The following SNCAIP variants were observed in gnomAD, a reference collection of about 807,000 sequenced individuals.
SNCAIP encodes synphilin-1.
SNCAIP carries 43 observed loss-of-function variants against 86.7 expected under a neutral mutation model. That is an observed-to-expected ratio of 0.50 (90% CI 0.39 to 0.64). The LOEUF (loss-of-function observed/expected upper bound fraction) is 0.64, where lower values mean the gene tolerates loss of function less well. SNCAIP is among the 30% of genes least tolerant of loss of function. SNCAIP has a pLI of 0.00. For missense variants in SNCAIP, 981 were observed against 1,103.1 expected (o/e 0.89, Z 1.57); for synonymous variants, 417 against 427.2 (o/e 0.98, Z 0.29).
intron 1 of SNCAIP, among the ~76,000 whole-genome samples, chr5:122,354,143 A>G (rs925536105): frequency 6.6e-6 from 1 of 152,094 alleles, no homozygotes; most frequent in Non-Finnish European, 1.5e-5. Context: ...CAGCTGACAC[A>G]TTTACGTGAC....
intron 1 of SNCAIP, among the ~76,000 whole-genome samples, chr5:122,357,284 G>A (rs539426224): frequency 6.6e-6 from 1 of 152,100 alleles, no homozygotes; most frequent in Non-Finnish European, 1.5e-5. Context: ...TTCCCAGGCT[G>A]GAGTGCAGTG....
At chr5:122,330,537 A>G (rs1034511721) in intron 1 of SNCAIP, among the ~76,000 whole-genome samples, 10 of 152,194 alleles carry the variant, frequency 6.6e-5, no homozygotes, top group African/African-American at 2.4e-4. Flanking sequence ...GCCTAGTTTT[A>G]TATGAAAAAT....
chr5:122,425,884 G>T (rs1278308844), intron 5 of SNCAIP, among the ~76,000 whole-genome samples: 1 of 152,322 alleles, frequency 6.6e-6, no homozygotes, highest in South Asian at 2.1e-4. Context: ...CGAATGTGGG[G>T]AAGGTGTGTT....
chr5:122,371,943 T>C (rs1403628855), intron 1 of SNCAIP, among the ~76,000 whole-genome samples: 2 of 152,196 alleles, frequency 1.3e-5, no homozygotes, highest in East Asian at 3.9e-4. Context: ...TGATAATGGA[T>C]GTTTCTTAAA....
chr5:122,383,929 T>C (rs1289111000), intron 1 of SNCAIP, among the ~76,000 whole-genome samples: 3 of 152,212 alleles, frequency 2.0e-5, no homozygotes, highest in Non-Finnish European at 4.4e-5. Flanking sequence ...TGTTGTCTTA[T>C]AGACTAGTTC....
intron 1 of SNCAIP, among the ~76,000 whole-genome samples, chr5:122,339,368 A>G (rs1172606545): frequency 6.6e-6 from 1 of 152,160 alleles, no homozygotes; most frequent in Non-Finnish European, 1.5e-5. Flanking sequence ...GTAGGCAACT[A>G]ATTATCTTAA....
chr5:122,463,384 T>A, intron 10 of SNCAIP, 107 bp from the exon 11 acceptor site: 1 of 749,986 alleles, frequency 1.3e-6, no homozygotes, highest in Non-Finnish European at 2.4e-6. Flanking sequence ...TTCAGTGTGG[T>A]TTGTGTGAGG....
intron 1 of SNCAIP, among the ~76,000 whole-genome samples, chr5:122,347,094 T>G (rs1008340719): frequency 9.2e-5 from 14 of 152,102 alleles, no homozygotes; most frequent in Admixed American, 7.9e-4. Context: ...ATCATTAGAT[T>G]AAAGATAATT....
chr5:122,362,982 T>C (rs1762475569), intron 1 of SNCAIP, among the ~76,000 whole-genome samples: 1 of 150,588 alleles, frequency 6.6e-6, no homozygotes, highest in Non-Finnish European at 1.5e-5. Context: ...AGGTCAGGTA[T>C]CATAAATTCT....
chr5:122,456,320 T>C (rs926748124), intron 10 of SNCAIP, among the ~76,000 whole-genome samples: 3 of 152,296 alleles, frequency 2.0e-5, no homozygotes, highest in African/African-American at 7.2e-5. Context: ...ATCTTAAGGT[T>C]GTTCAGCAGC....
At chr5:122,409,030 A>G (rs1773584216) in intron 3 of SNCAIP, among the ~76,000 whole-genome samples, 1 of 151,682 alleles carries the variant, frequency 6.6e-6, no homozygotes, top group African/African-American at 2.4e-5. Context: ...TTTATTCCAG[A>G]GAACCATGTG....
At chr5:122,372,026 T>C (rs1348139297) in intron 1 of SNCAIP, among the ~76,000 whole-genome samples, 2 of 152,104 alleles carry the variant, frequency 1.3e-5, no homozygotes, top group African/African-American at 4.8e-5. Flanking sequence ...TAATAGAAAC[T>C]GTCAGCCCCC....
chr5:122,364,695 C>T (rs907578527), intron 1 of SNCAIP, among the ~76,000 whole-genome samples: 3 of 152,144 alleles, frequency 2.0e-5, no homozygotes, highest in Non-Finnish European at 4.4e-5. Flanking sequence ...AAGTTGCTTT[C>T]ATGTAAAAAT....
chr5:122,441,763 G>C (rs549437199), intron 7 of SNCAIP, among the ~76,000 whole-genome samples: 3 of 152,188 alleles, frequency 2.0e-5, no homozygotes, highest in African/African-American at 4.8e-5. Flanking sequence ...AAAAAGAGGG[G>C]ATAGCTGAAG....
In SNCAIP at chr5:122,381,052, T is replaced by G. The variant is rs1432733418; in HGVS notation, c.-46-10037T>G. ...GGTGGAGAGTTCTGTAGATGTCTAT[T>G]AGGTCCGCTTGGTGCAGAGCTGAGT... On this transcript the variant is annotated intron_variant, in intron 1 of 10. Coordinates refer to ENST00000261368, the MANE Select transcript of SNCAIP (RefSeq NM_005460.4). Among the ~76,000 whole-genome samples the G allele has an allele frequency of 3.3e-3, 489 of 150,444 alleles. 2 individuals are homozygous for G. Among genetic ancestry groups the G allele is most frequent in the African/African-American group, 0.012 (464 of 40,180 alleles).
intron 3 of SNCAIP, among the ~76,000 whole-genome samples, chr5:122,408,989 CT>C (rs1478399359): frequency 1.3e-5 from 2 of 152,164 alleles, no homozygotes; most frequent in African/African-American, 4.8e-5. Flanking sequence ...TCCAGACCCC[CT>C]GTGGGTAAGC....
intron 3 of SNCAIP, 137 bp downstream of exon 3, chr5:122,404,002 C>T: frequency 1.4e-6 from 1 of 705,066 alleles, no homozygotes; most frequent in South Asian, 1.5e-5. Flanking sequence ...ACACCACCCC[C>T]CACCTCATGC....
intron 3 of SNCAIP, among the ~76,000 whole-genome samples, chr5:122,406,519 G>A (rs997513347): frequency 2.0e-5 from 3 of 152,124 alleles, no homozygotes; most frequent in African/African-American, 4.8e-5. Flanking sequence ...TGTTGGAGGC[G>A]GTGCCTGGTG....
chr5:122,435,799 A>G (rs1024038885), intron 6 of SNCAIP, among the ~76,000 whole-genome samples: 3 of 152,220 alleles, frequency 2.0e-5, no homozygotes, highest in Non-Finnish European at 2.9e-5. Flanking sequence ...TACTTTAAAA[A>G]GGAAAAATAT....
Sources: gnomAD v4.1 joint callset for allele counts (sites outside exome capture counted in the v4.1 genomes callset) on GRCh38, gnomAD v4.1.1 for gene constraint, MANE v1.5 for transcripts, NCBI Gene and HGNC (gene_info 2026-07-23, HGNC 2026-07-21) for gene names.